ALDH1L2: variants seen among roughly 807,000 people sequenced by gnomAD.
ALDH1L2 encodes the protein aldehyde dehydrogenase 1 family member L2, also known as mitochondrial 10-formyltetrahydrofolate dehydrogenase.
Under a neutral mutation model 111.0 loss-of-function variants are expected in ALDH1L2, and 91 were observed. That is an observed-to-expected ratio of 0.82 (90% CI 0.69 to 0.98). The LOEUF (loss-of-function observed/expected upper bound fraction) is 0.98. ALDH1L2 is among the 50% of genes least tolerant of loss of function. ALDH1L2 has a pLI of 0.00. For synonymous variants in ALDH1L2, 374 were observed against 392.6 expected (o/e 0.95, Z 0.56); for missense variants, 995 against 1,126.8 (o/e 0.88, Z 1.67).
chr12:105,066,077 G>A (rs1265767184), intron 5 of ALDH1L2, among the ~76,000 whole-genome samples: 2 of 152,124 alleles, frequency 1.3e-5, no homozygotes, highest in Non-Finnish European at 2.9e-5. Context: ...GCCTCCCAAA[G>A]TGCTGGGATT....
intron 16 of ALDH1L2, 101 bp from the exon 17 acceptor site, chr12:105,039,907 G>C: frequency 2.1e-6 from 2 of 951,508 alleles, no homozygotes; most frequent in Non-Finnish European, 1.7e-6. Flanking sequence ...GAGGCAAGCA[G>C]ATCACAAGGT....
intron 12 of ALDH1L2, 135 bp downstream of exon 12, chr12:105,051,955 C>A: frequency 6.3e-6 from 5 of 794,868 alleles, no homozygotes; most frequent in Non-Finnish European, 8.8e-6. Flanking sequence ...CGCCTGTAAT[C>A]CCAGCACTTT....
At position 105,026,764 on chromosome 12, in the gene ALDH1L2, T is replaced by TAA. The variant is rs781512619; in HGVS notation, c.2517-22_2517-21dup. 6.2e-7 allele frequency: 1 copy of TAA among 1,611,062 alleles called. No individual in the cohort carries two copies. Among genetic ancestry groups the TAA allele is most frequent in the Non-Finnish European group, 8.5e-7 (1 of 1,179,020 alleles). Reference sequence around the variant, plus strand: ...ATGTCCCTGTGTTTTTAGGAAGACATAAAACTTCATTAAATGTAAAGCAAA... The same window carrying TAA: ...ATGTCCCTGTGTTTTTAGGAAGACATAAAAAACTTCATTAAATGTAAAGCAAA... On this transcript the variant is annotated intron_variant, in intron 21 of 22. Coordinates refer to ENST00000258494, the MANE Select transcript of ALDH1L2 (RefSeq NM_001034173.4).
chr12:105,044,976 A>G (rs1375786426), intron 15 of ALDH1L2, among the ~76,000 whole-genome samples: 2 of 151,956 alleles, frequency 1.3e-5, no homozygotes, highest in Non-Finnish European at 2.9e-5. Context: ...CGTGAGCTCT[A>G]CTCTCTTAAC....
Position 105,050,049 on chromosome 12 carries a change from G to T in ALDH1L2, c.1545C>A (p.Asp515Glu). 1.3e-6 allele frequency: 2 copies of T among 1,592,548 alleles called. No individual in the cohort carries two copies. Among genetic ancestry groups the T allele is most frequent in the Non-Finnish European group, 1.7e-6 (2 of 1,169,894 alleles). Residue 515 changes from aspartate to glutamate, a missense_variant, in exon 13 of 23, where the codon GAC (aspartate) becomes GAA (glutamate). Coordinates refer to ENST00000258494, the MANE Select transcript of ALDH1L2 (RefSeq NM_001034173.4). Reference protein sequence around the residue: ...ERGRLMYRLADLLEENQEELA... With the variant: ...ERGRLMYRLAELLEENQEELA... ...GCTCTTCTTGGTTCTCTTCCAGTAGGTCTGCAAGTCTGTGTGGTCAGTGAA... is the reference window on the plus strand; with the variant it reads ...GCTCTTCTTGGTTCTCTTCCAGTAGTTCTGCAAGTCTGTGTGGTCAGTGAA...
At position 105,058,077 on chromosome 12, in the gene ALDH1L2, T is replaced by G; in HGVS notation, c.1283A>C (p.Asp428Ala). 1.9e-6 allele frequency: 3 copies of G among 1,612,480 alleles called. No individual in the cohort carries two copies. The highest frequency in any genetic ancestry group is 2.5e-6 in the Non-Finnish European group (3 of 1,179,440). ...CAACATCAAGGAAAAGCTTACATAA[T>G]CTACAACCAGCTCCACCTCTTGATC... ...GEDQEVELVV[D>A]YISKEVNEIM... Residue 428 changes from aspartate (D) to alanine (A), a missense_variant, in exon 10 of 23, where the codon GAT (aspartate) becomes GCT (alanine). Asp to Ala is a moderately radical substitution (Grantham distance 126, BLOSUM62 -2). Transcript: ENST00000258494.
chr12:105,036,793 G>C (rs551782651), intron 18 of ALDH1L2, among the ~76,000 whole-genome samples: 7 of 151,628 alleles, frequency 4.6e-5, no homozygotes, highest in Non-Finnish European at 8.8e-5. Flanking sequence ...TTGGGTTTGG[G>C]GTTCTTAAAT....
intron 17 of ALDH1L2, among the ~76,000 whole-genome samples, 178 bp downstream of exon 17, chr12:105,039,535 C>CTAAAT (rs911524043): frequency 2.0e-5 from 3 of 152,144 alleles, no homozygotes; most frequent in African/African-American, 7.2e-5. Flanking sequence ...TGACTCTGGG[C>CTAAAT]TTTAATGCTT....
intron 1 of ALDH1L2, among the ~76,000 whole-genome samples, chr12:105,078,779 T>G (rs1160845050): frequency 6.6e-6 from 1 of 152,188 alleles, no homozygotes; most frequent in Non-Finnish European, 1.5e-5. Flanking sequence ...AGAAGCCTTC[T>G]CCAGAAGGGA....
chr12:105,053,691 G>T (rs146332696), intron 10 of ALDH1L2, among the ~76,000 whole-genome samples: 1 of 152,078 alleles, frequency 6.6e-6, no homozygotes, highest in Non-Finnish European at 1.5e-5. Flanking sequence ...TTTCCATTGT[G>T]TTTATGTGGG....
intron 18 of ALDH1L2, among the ~76,000 whole-genome samples, chr12:105,036,518 A>T (rs1416961199): frequency 5.1e-4 from 4 of 7,882 alleles, no homozygotes; most frequent in Non-Finnish European, 5.6e-4. Context: ...TATATTTTAT[A>T]TATATATATA....
At chr12:105,052,725 G>A in intron 11 of ALDH1L2, 87 bp downstream of exon 11, 1 of 1,510,704 alleles carries the variant, frequency 6.6e-7, no homozygotes, top group Non-Finnish European at 9.0e-7. Flanking sequence ...AGAATAAAAG[G>A]GCTTCTTAAG....
intron 18 of ALDH1L2, among the ~76,000 whole-genome samples, chr12:105,035,796 GA>G (rs1368137549): frequency 1.4e-5 from 2 of 147,766 alleles, no homozygotes; most frequent in African/African-American, 2.5e-5. Flanking sequence ...TCACCTGCAG[GA>G]AACCTCCCTG....
At chr12:105,047,073 A>G in intron 13 of ALDH1L2, 104 bp from the exon 14 acceptor site, 1 of 1,286,252 alleles carries the variant, frequency 7.8e-7, no homozygotes, top group Non-Finnish European at 1.1e-6. Context: ...TTGTTAGCTG[A>G]TATGAAAAGA....
At chr12:105,075,508 C>A (rs1878002506) in intron 1 of ALDH1L2, among the ~76,000 whole-genome samples, 1 of 152,148 alleles carries the variant, frequency 6.6e-6, no homozygotes, top group Non-Finnish European at 1.5e-5. Flanking sequence ...TTGCTTGAAC[C>A]CGGGAGATAG....
At position 105,038,831 on chromosome 12, in the gene ALDH1L2, T is replaced by G. The variant is rs1387844674; in HGVS notation, c.2046-629A>C. Among the ~76,000 whole-genome samples, 5 of 152,328 alleles carry G rather than the reference T, an allele frequency of 3.3e-5. No individual in the cohort carries two copies. In the East Asian group the frequency reaches 7.7e-4, roughly 23 times the overall value. ...CATAATAAAAAAATTTCAAAAATGTTGTGGTCAAAAGTTAATTCAAATTCT... is the reference window on the plus strand; with the variant it reads ...CATAATAAAAAAATTTCAAAAATGTGGTGGTCAAAAGTTAATTCAAATTCT... On this transcript the variant is annotated intron_variant, in intron 17 of 22. Transcript: ENST00000258494.
chr12:105,052,661 A>T, intron 11 of ALDH1L2, 151 bp downstream of exon 11: 1 of 939,982 alleles, frequency 1.1e-6, no homozygotes, highest in Non-Finnish European at 1.6e-6. Context: ...GAATTGAGTC[A>T]TTGAAAGAAA....
chr12:105,041,187 A>AAAATCCAACATCTGCATTACATTTAGTTC lies in ALDH1L2; in HGVS notation c.1864-522_1864-494dup, dbSNP rs1251825214. ...TCCCAATAATGTCTTACAGCAAAAGAAAATCCAACATCTGCATTACATTTA... is the reference window on the plus strand; with the variant it reads ...TCCCAATAATGTCTTACAGCAAAAGAAAATCCAACATCTGCATTACATTTAGTTCAAATCCAACATCTGCATTACATTTA... On this transcript the variant is annotated intron_variant, in intron 15 of 22. Transcript: ENST00000258494. 2.6e-5 allele frequency among the ~76,000 whole-genome samples: 4 copies of AAAATCCAACATCTGCATTACATTTAGTTC among 152,380 alleles called. No individual in the cohort carries two copies. In the East Asian group the frequency reaches 7.7e-4, roughly 29 times the overall value.
Position 105,046,810 on chromosome 12 carries a change from C to G in ALDH1L2, c.1763G>C (p.Cys588Ser), listed in dbSNP as rs1296746347. Residue 588 changes from cysteine (C) to serine (S), a missense_variant, in exon 15 of 23, where the codon TGT becomes TCT. Cys to Ser is a moderately radical substitution (Grantham distance 112). Transcript: ENST00000258494. Reference sequence around the variant, plus strand: ...GTAGTTCCAGGGAATAATAATGGCACAGACACTGCAGGGGAAGAAATTCGA... The same window carrying G: ...GTAGTTCCAGGGAATAATAATGGCAGAGACACTGCAGGGGAAGAAATTCGA... ...TFTKKEPLGV[C>S]AIIIPWNYPL... is the part of the protein sequence containing the mutation. 6.2e-7 allele frequency: 1 copy of G among 1,613,828 alleles called. No individual in the cohort carries two copies. Among genetic ancestry groups the G allele is most frequent in the Non-Finnish European group, 8.5e-7 (1 of 1,179,936 alleles).
Sources: allele counts gnomAD v4.1 joint callset (sites outside exome capture counted in the v4.1 genomes callset), GRCh38; gene constraint gnomAD v4.1.1; transcripts MANE v1.5; gene names NCBI Gene and HGNC (gene_info 2026-07-23, HGNC 2026-07-21).